Variants in HMGA2 observed in about 807,000 individuals in gnomAD.
The protein encoded by HMGA2 is high mobility group protein HMGI-C.
In HMGA2, 8 loss-of-function variants were observed where a neutral mutation model predicts 19.1. The observed-to-expected ratio is 0.42, with a 90% CI of 0.25 to 0.76. The LOEUF is 0.76. Ranked by LOEUF, HMGA2 falls within the 30% of genes least tolerant of loss-of-function variation. HMGA2 has a pLI of 0.28. For missense variants in HMGA2, 109 were observed against 136.3 expected (o/e 0.80, Z 1.00); for synonymous variants, 60 against 48.8 (o/e 1.23, Z -0.96).
chr12:65,898,301 T>C (rs1291934808), intron 3 of HMGA2, among the ~76,000 whole-genome samples: 15 of 152,294 alleles, frequency 9.8e-5, no homozygotes, highest in Admixed American at 8.5e-4. Flanking sequence ...ATTTTTTTTT[T>C]CAGGTTTTGC....
At chr12:65,894,661 T>C (rs1874050373) in intron 3 of HMGA2, among the ~76,000 whole-genome samples, 1 of 152,208 alleles carries the variant, frequency 6.6e-6, no homozygotes, top group Non-Finnish European at 1.5e-5. Flanking sequence ...GAGAAAGTAT[T>C]GCATTCATTA....
chr12:65,833,803 T>C (rs972236632), intron 2 of HMGA2, among the ~76,000 whole-genome samples: 2 of 152,186 alleles, frequency 1.3e-5, no homozygotes, highest in East Asian at 3.8e-4. Context: ...ATCTCCCATT[T>C]GTAAAACGGG....
At chr12:65,910,747 A>G (rs961206359) in intron 3 of HMGA2, among the ~76,000 whole-genome samples, 2 of 152,040 alleles carry the variant, frequency 1.3e-5, no homozygotes, top group Non-Finnish European at 2.9e-5. Context: ...GTACTGTCCA[A>G]CTGAAACTGA....
Position 65,855,373 on chromosome 12 carries a change from C to T in HMGA2, c.249+16804C>T, listed in dbSNP as rs192220185. ...GAATGCCACTGTAATGTTTAGGTTC[C>T]CCAAATAAAAATTTCATATTACAAC... On this transcript the variant is annotated intron_variant, in intron 3 of 4. Transcript: ENST00000403681. Among the ~76,000 whole-genome samples the T allele has an allele frequency of 2.0e-5, 3 of 151,916 alleles. No individual in the cohort carries two copies. The East Asian group carries it at 5.8e-4, about 29-fold the overall frequency.
At chr12:65,845,552 A>C (rs1304489913) in intron 3 of HMGA2, among the ~76,000 whole-genome samples, 1 of 151,460 alleles carries the variant, frequency 6.6e-6, no homozygotes, top group Non-Finnish European at 1.5e-5. Flanking sequence ...TACAGGCGTG[A>C]GTCACCACTC....
intron 3 of HMGA2, among the ~76,000 whole-genome samples, chr12:65,866,293 T>TA (rs1400584356): frequency 6.6e-6 from 1 of 152,098 alleles, no homozygotes; most frequent in Non-Finnish European, 1.5e-5. Flanking sequence ...GCGTAGTTAT[T>TA]AAAAAAATAC....
chr12:65,963,102 A>G lies in HMGA2; in HGVS notation c.283-143A>G, dbSNP rs373732743. 153 of 722,394 alleles carry G rather than the reference A, an allele frequency of 2.1e-4. 1 individual carries two copies. The East Asian group carries it at 3.7e-3, about 18-fold the overall frequency. The allele number at this position is 722,394 out of a possible 1,614,324, so 44.7% of individuals were successfully genotyped here. On this transcript the variant is annotated intron_variant, in intron 4 of 4. Transcript: ENST00000403681. ...CAATTACGGTTTAAGAAGCCCTGGG[A>G]ATGAGGGCTCGCCAGTCATCGTCAT...
At chr12:65,894,218 ACT>A (rs2121148372) in intron 3 of HMGA2, among the ~76,000 whole-genome samples, 1 of 152,132 alleles carries the variant, frequency 6.6e-6, no homozygotes, top group East Asian at 1.9e-4. Flanking sequence ...TAGTTTTAAA[ACT>A]CTACCATCTG....
At chr12:65,894,494 G>C (rs777319600) in intron 3 of HMGA2, among the ~76,000 whole-genome samples, 12 of 152,086 alleles carry the variant, frequency 7.9e-5, no homozygotes, top group Non-Finnish European at 1.5e-4. Context: ...TTCTGCTCTG[G>C]ACATTTCTTT....
intron 3 of HMGA2, among the ~76,000 whole-genome samples, chr12:65,838,796 C>T (rs1217975143): frequency 6.6e-6 from 1 of 151,972 alleles, no homozygotes; most frequent in Non-Finnish European, 1.5e-5. Context: ...TTTTCTATCT[C>T]TTATCAACAT....
At chr12:65,961,738 A>AGTGTGT (rs66619603) in intron 4 of HMGA2, among the ~76,000 whole-genome samples, 8 of 150,272 alleles carry the variant, frequency 5.3e-5, no homozygotes, top group African/African-American at 1.7e-4. Context: ...CCCAGGATAG[A>AGTGTGT]GTGTGTGTGT....
intron 3 of HMGA2, among the ~76,000 whole-genome samples, chr12:65,948,737 C>G (rs1876352857): frequency 6.6e-6 from 1 of 152,154 alleles, no homozygotes; most frequent in Admixed American, 6.5e-5. Context: ...GGTAGAAGTT[C>G]CGTGACACGG....
In HMGA2 at chr12:65,963,359, T is replaced by C. The variant is rs1876808917; in HGVS notation, c.*67T>C. The C allele has an allele frequency of 8.3e-7, 1 of 1,209,774 alleles. No individual in the cohort carries two copies. The highest frequency in any genetic ancestry group is 1.2e-6 in the Non-Finnish European group (1 of 848,512). The allele number at this position is 1,209,774 out of a possible 1,614,324, so 74.9% of individuals were successfully genotyped here. A position where few individuals can be genotyped will look rare whatever the true frequency, so the allele number is the denominator to read the frequency against. ...CTTTTGAAGGGAGAAGACACTGCAG[T>C]GACCACTTATTCTGTATTGCCATGG... On this transcript the variant is annotated 3_prime_UTR_variant, in exon 5 of 5. Transcript: ENST00000403681.
At chr12:65,885,377 T>C (rs1047451382) in intron 3 of HMGA2, among the ~76,000 whole-genome samples, 22 of 152,202 alleles carry the variant, frequency 1.4e-4, no homozygotes, top group Non-Finnish European at 5.9e-5. Flanking sequence ...TATGTTCTTT[T>C]GGCCAGAAGA....
intron 3 of HMGA2, among the ~76,000 whole-genome samples, chr12:65,862,656 C>A (rs1020965879): frequency 6.6e-6 from 1 of 152,092 alleles, no homozygotes; most frequent in African/African-American, 2.4e-5. Context: ...GATGACCATG[C>A]AACTCAAGAA....
chr12:65,840,211 T>C (rs1033161586), intron 3 of HMGA2, among the ~76,000 whole-genome samples: 4 of 152,228 alleles, frequency 2.6e-5, no homozygotes, highest in Non-Finnish European at 5.9e-5. Flanking sequence ...GATTGCTGCA[T>C]AGTTAACCAC....
chr12:65,842,752 A>C (rs1871055822), intron 3 of HMGA2: 1 of 1,385,240 alleles, frequency 7.2e-7, no homozygotes, highest in Non-Finnish European at 9.4e-7. Context: ...TCCATTAGCC[A>C]GTCCTGCCAA....
chr12:65,965,473 A>G lies in HMGA2; in HGVS notation c.*2181A>G. 4.8e-6 allele frequency: 1 copy of G among 206,318 alleles called. No individual in the cohort carries two copies. Among genetic ancestry groups the G allele is most frequent in the Non-Finnish European group, 9.9e-6 (1 of 100,760 alleles). 12.8% of individuals were successfully genotyped at this position (206,318 alleles called of 1,614,324 possible). ...GTACTGAAGCCAAATGAAACTCAAA[A>G]CCATCTCTCTTCCAGCTGCTTCAGG... On this transcript the variant is annotated 3_prime_UTR_variant, in exon 5 of 5. Coordinates refer to ENST00000403681, the MANE Select transcript of HMGA2 (RefSeq NM_003483.6).
At chr12:65,909,961 G>T (rs1411977042) in intron 3 of HMGA2, among the ~76,000 whole-genome samples, 1 of 152,188 alleles carries the variant, frequency 6.6e-6, no homozygotes, top group Non-Finnish European at 1.5e-5. Flanking sequence ...CATCGTCTTG[G>T]ATGTTGAATG....
Sources: allele counts gnomAD v4.1 joint callset (sites outside exome capture counted in the v4.1 genomes callset), GRCh38; gene constraint gnomAD v4.1.1; transcripts MANE v1.5; gene names NCBI Gene and HGNC (gene_info 2026-07-23, HGNC 2026-07-21).